FAM135B: variants seen among roughly 807,000 people sequenced by gnomAD.
FAM135B encodes the protein protein FAM135B.
In FAM135B, 43 loss-of-function variants were observed where a neutral mutation model predicts 127.7. The observed-to-expected ratio is 0.34, with a 90% confidence interval of 0.26 to 0.43. The LOEUF is 0.43. FAM135B is among the 20% of genes least tolerant of loss of function. The pLI is 1.00. For synonymous variants in FAM135B, 670 were observed against 665.1 expected (o/e 1.01, Z -0.11); for missense variants, 1,558 against 1,725.6 (o/e 0.90, Z 1.72).
At chr8:138,258,810 C>CACACACACAA (rs1822314172) in intron 4 of FAM135B, among the ~76,000 whole-genome samples, 1 of 84,152 alleles carries the variant, frequency 1.2e-5, no homozygotes, top group Admixed American at 1.2e-4. Context: ...ACACCACACA[C>CACACACACAA]ACACACACAC....
Position 138,495,985 on chromosome 8 carries a change from A to G in FAM135B, c.-20+686T>C, listed in dbSNP as rs561571322. The stretch of plus-strand genomic sequence containing the variant: ...GGCAAAGTGGGGTGGGGAGCTAGAA[A>G]TGAGGTGGGGAGAAGGGGAGGGCAT... On this transcript the variant is annotated intron_variant, in intron 1 of 19. Coordinates refer to ENST00000395297, the MANE Select transcript of FAM135B (RefSeq NM_015912.4). Among the ~76,000 whole-genome samples, 3 of 152,270 alleles carry G rather than the reference A, an allele frequency of 2.0e-5. No homozygotes were observed. In the East Asian group the frequency reaches 5.8e-4, roughly 29 times the overall value.
rs370848982 is a variant in FAM135B, at chr8:138,290,741, G to T, written c.157+20100C>A. ...CAGGGATTTGGTTGCAAGGGTATTG[G>T]GGTGGGTTGGGAAAGCAAAAGTGGG... On this transcript the variant is annotated intron_variant, in intron 3 of 19. Transcript: ENST00000395297. Among the ~76,000 whole-genome samples, 27 of 152,240 alleles carry T rather than the reference G, an allele frequency of 1.8e-4. 1 individual carries two copies. Among genetic ancestry groups the T allele is most frequent in the African/African-American group, 6.5e-4 (27 of 41,542 alleles).
chr8:138,451,695 C>T (rs373700145), intron 1 of FAM135B, among the ~76,000 whole-genome samples: 2 of 152,286 alleles, frequency 1.3e-5, no homozygotes, highest in Middle Eastern at 3.4e-3. Context: ...TAAATGACTC[C>T]TCTTTTGCTT....
intron 2 of FAM135B, among the ~76,000 whole-genome samples, chr8:138,347,227 T>C (rs763393881): frequency 1.2e-4 from 18 of 152,206 alleles, no homozygotes; most frequent in Non-Finnish European, 1.8e-4. Context: ...AGTAACATCA[T>C]GTCCTAATCC....
intron 2 of FAM135B, among the ~76,000 whole-genome samples, chr8:138,327,758 A>G (rs764429812): frequency 5.3e-5 from 8 of 152,220 alleles, no homozygotes; most frequent in Non-Finnish European, 1.2e-4. Flanking sequence ...CACAAATTAT[A>G]ATCGTAATCA....
intron 1 of FAM135B, among the ~76,000 whole-genome samples, chr8:138,472,164 T>C (rs1447401858): frequency 6.6e-6 from 1 of 151,694 alleles, no homozygotes; most frequent in Non-Finnish European, 1.5e-5. Flanking sequence ...AAAGTGTGTG[T>C]TGAGGGGGAA....
chr8:138,393,155 AC>A (rs1832676187), intron 1 of FAM135B, among the ~76,000 whole-genome samples: 1 of 152,110 alleles, frequency 6.6e-6, no homozygotes, highest in South Asian at 2.1e-4. Flanking sequence ...CATGGGAAAG[AC>A]CTGCCCCCAT....
chr8:138,373,724 G>T (rs1349620997), intron 1 of FAM135B, among the ~76,000 whole-genome samples: 1 of 152,048 alleles, frequency 6.6e-6, no homozygotes, highest in Non-Finnish European at 1.5e-5. Flanking sequence ...CCCTGAGGGT[G>T]AGTCTCTAAA....
Position 138,259,065 on chromosome 8 carries a change from G to A in FAM135B, c.298-2306C>T, listed in dbSNP as rs1822342224. On this transcript the variant is annotated intron_variant, in intron 4 of 19. Coordinates refer to ENST00000395297, the MANE Select transcript of FAM135B (RefSeq NM_015912.4). Reference sequence around the variant, plus strand: ...ACTATGAGTTAGGAAAGACTGTCCTGCATTTACACATGAGGAAACTGAGGC... The same window carrying A: ...ACTATGAGTTAGGAAAGACTGTCCTACATTTACACATGAGGAAACTGAGGC... Among the ~76,000 whole-genome samples the A allele has an allele frequency of 2.0e-5, 3 of 152,188 alleles. No individual in the cohort carries two copies. The South Asian group carries it at 6.2e-4, about 31-fold the overall frequency.
At chr8:138,170,263 C>T (rs1225522108) in intron 11 of FAM135B, among the ~76,000 whole-genome samples, 1 of 145,940 alleles carries the variant, frequency 6.9e-6, no homozygotes, top group African/African-American at 2.6e-5. Flanking sequence ...GCTCTTGTTG[C>T]CCAGGCTGGA....
intron 2 of FAM135B, among the ~76,000 whole-genome samples, chr8:138,330,124 G>A (rs535177951): frequency 1.3e-5 from 2 of 152,190 alleles, no homozygotes; most frequent in South Asian, 2.1e-4. Context: ...TTTTCCTGAC[G>A]ATAATGCCCA....
chr8:138,187,666 T>A (rs1815705554), intron 9 of FAM135B, among the ~76,000 whole-genome samples: 1 of 152,264 alleles, frequency 6.6e-6, no homozygotes, highest in South Asian at 2.1e-4. Flanking sequence ...ACAGAGCTTC[T>A]ATTAATAAAA....
rs190828201 is a variant in FAM135B, at chr8:138,217,470, G to C, written c.670-19801C>G. ...TTTTGAGATGGAGTCTCCCTCTGTGGTCCAGGCTGGAGTGCAGTGGCACGA... is the reference window on the plus strand; with the variant it reads ...TTTTGAGATGGAGTCTCCCTCTGTGCTCCAGGCTGGAGTGCAGTGGCACGA... On this transcript the variant is annotated intron_variant, in intron 7 of 19. Transcript: ENST00000395297. Among the ~76,000 whole-genome samples, 1,146 of 141,806 alleles carry C rather than the reference G, an allele frequency of 8.1e-3. 14 individuals are homozygous for C. The highest frequency in any genetic ancestry group is 0.029 in the African/African-American group (1,088 of 37,588). 93.0% of individuals were successfully genotyped at this position (141,806 alleles called of 152,430 possible).
intron 1 of FAM135B, among the ~76,000 whole-genome samples, chr8:138,378,827 C>T (rs1260612688): frequency 6.6e-6 from 1 of 151,928 alleles, no homozygotes; most frequent in Non-Finnish European, 1.5e-5. Context: ...TCCCCCTTAG[C>T]TTAGGCAGCA....
chr8:138,191,257 G>C (rs1472299408), intron 9 of FAM135B, among the ~76,000 whole-genome samples: 3 of 152,208 alleles, frequency 2.0e-5, no homozygotes, highest in Non-Finnish European at 4.4e-5. Context: ...CCAGCTGGCT[G>C]ATTCAGGACT....
At chr8:138,459,816 C>G (rs1209218199) in intron 1 of FAM135B, among the ~76,000 whole-genome samples, 1 of 152,104 alleles carries the variant, frequency 6.6e-6, no homozygotes, top group Non-Finnish European at 1.5e-5. Context: ...GAAGCAGGCC[C>G]CCTCTGAAAG....
intron 2 of FAM135B, among the ~76,000 whole-genome samples, chr8:138,359,316 C>T (rs746714920): frequency 6.6e-6 from 1 of 152,100 alleles, no homozygotes; most frequent in Non-Finnish European, 1.5e-5. Context: ...ATCAAACTGG[C>T]TTTAACAAAA....
At chr8:138,344,581 T>C (rs201723241) in intron 2 of FAM135B, among the ~76,000 whole-genome samples, 1 of 143,538 alleles carries the variant, frequency 7.0e-6, no homozygotes, top group African/African-American at 2.5e-5. Flanking sequence ...TTCTTTCTTT[T>C]TTTTTTTTTT....
chr8:138,483,327 G>GCTAA (rs556268804), intron 1 of FAM135B, among the ~76,000 whole-genome samples: 1 of 152,208 alleles, frequency 6.6e-6, no homozygotes, highest in Non-Finnish European at 1.5e-5. Flanking sequence ...GGGTAACACA[G>GCTAA]CTAACCAGGA....
Sources: gnomAD v4.1 joint callset for allele counts (sites outside exome capture counted in the v4.1 genomes callset) on GRCh38, gnomAD v4.1.1 for gene constraint, MANE v1.5 for transcripts, NCBI Gene and HGNC (gene_info 2026-07-23, HGNC 2026-07-21) for gene names.